Variants in TBL1X observed in about 807,000 individuals in gnomAD.
The protein encoded by TBL1X is transducin beta like 1 X-linked.
A neutral mutation model predicts 50.7 loss-of-function variants in TBL1X; 10 were observed. The ratio of observed to expected loss-of-function variants is 0.20; its 90% confidence interval spans 0.12 to 0.33. The LOEUF is 0.33. Ranked by LOEUF, TBL1X falls within the 10% of genes least tolerant of loss-of-function variation. The pLI, the probability that TBL1X is intolerant of heterozygous loss-of-function variation, is 1.00. For synonymous variants in TBL1X, 190 were observed against 214.7 expected, an observed-to-expected ratio of 0.88 and a Z score of 1.01; for missense variants, 340 against 504.4, an observed-to-expected ratio of 0.67 and a Z score of 3.12.
intron 5 of TBL1X, among the ~76,000 whole-genome samples, chrX:9,657,939 C>T (rs758623694): frequency 8.9e-6 from 1 of 112,000 alleles, no homozygotes; most frequent in Admixed American, 9.4e-5. Flanking sequence ...AATTGTAGCT[C>T]CCGTAATTCC....
At chrX:9,707,316 G>T (rs943318998) in intron 13 of TBL1X, among the ~76,000 whole-genome samples, 1 of 111,781 alleles carries the variant, frequency 8.9e-6, no homozygotes, top group Non-Finnish European at 1.9e-5. Flanking sequence ...CATCTGTTTG[G>T]CTCCAAACTG....
intron 1 of TBL1X, among the ~76,000 whole-genome samples, chrX:9,499,650 T>G (rs1287243341): frequency 8.9e-6 from 1 of 111,981 alleles, no homozygotes; most frequent in African/African-American, 3.2e-5. Context: ...TCATCTTGAG[T>G]CAAGGCTGTC....
chrX:9,515,487 G>A (rs919776514), intron 2 of TBL1X, among the ~76,000 whole-genome samples: 4 of 112,319 alleles, frequency 3.6e-5, no homozygotes, highest in Non-Finnish European at 7.5e-5. Flanking sequence ...CTCTGAGTGT[G>A]GAAGAGGAGG....
At chrX:9,708,305 C>T (rs1240888662) in intron 13 of TBL1X, among the ~76,000 whole-genome samples, 1 of 112,303 alleles carries the variant, frequency 8.9e-6, no homozygotes, top group Non-Finnish European at 1.9e-5. Flanking sequence ...CTGTGCTTTT[C>T]GCTACCTGGC....
At chrX:9,487,234 C>T (rs779205000) in intron 1 of TBL1X, among the ~76,000 whole-genome samples, 1 of 111,627 alleles carries the variant, frequency 9.0e-6, no homozygotes, top group Admixed American at 9.5e-5. Context: ...CAACCATCAC[C>T]ACTGTCTAAT....
chrX:9,473,611 C>T (rs2081831243), intron 1 of TBL1X, among the ~76,000 whole-genome samples: 1 of 112,012 alleles, frequency 8.9e-6, no homozygotes, highest in Non-Finnish European at 1.9e-5. Context: ...GTGTTTTCAA[C>T]GTTGAGCTCT....
intron 3 of TBL1X, among the ~76,000 whole-genome samples, chrX:9,648,534 G>A (rs2082817121): frequency 8.9e-6 from 1 of 112,151 alleles, no homozygotes. Flanking sequence ...CAGAGCTCCT[G>A]TGCTTCTCTC....
intron 2 of TBL1X, among the ~76,000 whole-genome samples, chrX:9,531,934 A>G (rs1016273737): frequency 9.1e-6 from 1 of 109,546 alleles, no homozygotes; most frequent in Non-Finnish European, 1.9e-5. Flanking sequence ...GGGTTTCGCC[A>G]TGTTGGCCAG....
intron 2 of TBL1X, among the ~76,000 whole-genome samples, chrX:9,567,633 A>G (rs67471249): frequency 0.08 from 8,921 of 111,918 alleles, 297 homozygotes; most frequent in Middle Eastern, 0.11. Flanking sequence ...TGTCTTGCCC[A>G]GGTGGCCCCT....
intron 1 of TBL1X, among the ~76,000 whole-genome samples, chrX:9,469,326 C>A (rs1266763750): frequency 9.0e-6 from 1 of 111,425 alleles, no homozygotes; most frequent in Non-Finnish European, 1.9e-5. Flanking sequence ...CCACACCCGG[C>A]TGATTTTTGT....
intron 12 of TBL1X, among the ~76,000 whole-genome samples, chrX:9,700,389 A>G (rs2083162019): frequency 8.9e-6 from 1 of 111,889 alleles, no homozygotes; most frequent in Non-Finnish European, 1.9e-5. Flanking sequence ...GCAGAAAATA[A>G]TCTTTCCCAA....
intron 1 of TBL1X, among the ~76,000 whole-genome samples, chrX:9,497,403 C>A (rs2146946546): frequency 1.8e-5 from 1 of 55,445 alleles, no homozygotes; most frequent in African/African-American, 7.7e-5. Flanking sequence ...AGCCAGACTC[C>A]ATCTCAAAAA....
In TBL1X at chrX:9,674,924, G is replaced by A. The variant is rs149812242; in HGVS notation, c.212-9119G>A. Among the ~76,000 whole-genome samples, 624 of 111,120 alleles carry A rather than the reference G, an allele frequency of 5.6e-3. 5 individuals are homozygous for A. Among genetic ancestry groups the A allele is most frequent in the African/African-American group, 0.019 (576 of 30,544 alleles). On this transcript the variant is annotated intron_variant, in intron 5 of 17. Coordinates refer to ENST00000645353, the MANE Select transcript of TBL1X (RefSeq NM_005647.4). ...CGTTATCTGAATTTTCACCATATTT[G>A]CATACACCTGGAGTATTTTCTTAAA...
chrX:9,562,333 A>C (rs2082328497), intron 2 of TBL1X, among the ~76,000 whole-genome samples: 2 of 112,425 alleles, frequency 1.8e-5, no homozygotes, highest in South Asian at 7.4e-4. Flanking sequence ...AATAAAATTT[A>C]ATCTTTTGCT....
chrX:9,700,973 C>G (rs761085110), intron 12 of TBL1X, among the ~76,000 whole-genome samples: 2 of 110,653 alleles, frequency 1.8e-5, no homozygotes, highest in Non-Finnish European at 3.8e-5. Context: ...ACCTGGGACC[C>G]GTCAGTGCTG....
intron 1 of TBL1X, among the ~76,000 whole-genome samples, chrX:9,470,548 C>T (rs1489991775): frequency 8.9e-6 from 1 of 112,871 alleles, no homozygotes; most frequent in Non-Finnish European, 1.9e-5. Context: ...AGCCAGCACG[C>T]TCGGCCTATT....
chrX:9,563,666 G>A (rs1001867175), intron 2 of TBL1X, among the ~76,000 whole-genome samples: 3 of 112,505 alleles, frequency 2.7e-5, no homozygotes, highest in Admixed American at 1.9e-4. Flanking sequence ...TCTCACACTA[G>A]CCACATTTTG....
intron 2 of TBL1X, among the ~76,000 whole-genome samples, chrX:9,550,434 A>T (rs1484334012): frequency 8.9e-6 from 1 of 112,375 alleles, no homozygotes; most frequent in Non-Finnish European, 1.9e-5. Context: ...GGCTTAATAC[A>T]ATACAGGGCT....
At chrX:9,569,722 A>G (rs1008156188) in intron 2 of TBL1X, among the ~76,000 whole-genome samples, 3 of 112,138 alleles carry the variant, frequency 2.7e-5, no homozygotes, top group Non-Finnish European at 5.6e-5. Context: ...CTTCCTTTTT[A>G]TTTGTGAAAT....
Sources: allele counts gnomAD v4.1 joint callset (sites outside exome capture counted in the v4.1 genomes callset), GRCh38; gene constraint gnomAD v4.1.1; transcripts MANE v1.5; gene names NCBI Gene and HGNC (gene_info 2026-07-23, HGNC 2026-07-21).